LTBP1: variants seen among roughly 807,000 people sequenced by gnomAD.
LTBP1 encodes latent transforming growth factor beta binding protein 1.
Under a neutral mutation model 207.6 loss-of-function variants are expected in LTBP1, and 129 were observed. That is an observed-to-expected ratio of 0.62 (90% confidence interval 0.54 to 0.72). The LOEUF (loss-of-function observed/expected upper bound fraction) is 0.72. LTBP1 is among the 30% of genes least tolerant of loss of function. LTBP1 has a pLI of 0.00. For synonymous variants in LTBP1, 963 were observed against 833.7 expected (o/e 1.16, Z -2.67); for missense variants, 2,281 against 2,217.2 (o/e 1.03, Z -0.58).
chr2:32,995,094 G>A (rs1168719098), intron 2 of LTBP1, among the ~76,000 whole-genome samples: 1 of 151,972 alleles, frequency 6.6e-6, no homozygotes, highest in Non-Finnish European at 1.5e-5. Flanking sequence ...TAAGGTAAGA[G>A]GATCACTTGA....
At chr2:33,127,152 C>T (rs995137379) in intron 4 of LTBP1, among the ~76,000 whole-genome samples, 5 of 152,206 alleles carry the variant, frequency 3.3e-5, no homozygotes, top group Non-Finnish European at 5.9e-5. Context: ...TACTTCTGGC[C>T]TGGCAGCTCC....
At chr2:33,340,543 C>T (rs771804549) in intron 24 of LTBP1, among the ~76,000 whole-genome samples, 3 of 152,030 alleles carry the variant, frequency 2.0e-5, no homozygotes, top group Non-Finnish European at 4.4e-5. Flanking sequence ...CAGCCAGACT[C>T]GGAGGTCAGG....
chr2:32,955,301 A>G (rs1392783025), intron 2 of LTBP1, among the ~76,000 whole-genome samples: 2 of 152,258 alleles, frequency 1.3e-5, no homozygotes, highest in Non-Finnish European at 2.9e-5. Flanking sequence ...ACAGTCAAAG[A>G]TTGCTGCACA....
intron 2 of LTBP1, among the ~76,000 whole-genome samples, chr2:32,963,498 A>G (rs1357247077): frequency 2.6e-5 from 4 of 152,124 alleles, no homozygotes; most frequent in Admixed American, 6.6e-5. Context: ...GGTGTGAGCC[A>G]CTGCACCTGA....
At position 33,379,328 on chromosome 2, in the gene LTBP1, G is replaced by T. The variant is rs186980115; in HGVS notation, c.4712-9856G>T. On this transcript the variant is annotated intron_variant, in intron 31 of 33. Coordinates refer to ENST00000404816, the MANE Select transcript of LTBP1 (RefSeq NM_206943.4). ...AGGTTCAAGCAATTCTCCTGCCTCA[G>T]CCTCCTGAGGAGCTGGGACTACAGG... 2.6e-3 allele frequency among the ~76,000 whole-genome samples: 395 copies of T among 150,910 alleles called. 2 individuals are homozygous for T. Among genetic ancestry groups the T allele is most frequent in the African/African-American group, 9.3e-3 (380 of 41,072 alleles).
chr2:33,276,074 C>G, intron 18 of LTBP1, 151 bp downstream of exon 18: 2 of 910,842 alleles, frequency 2.2e-6, no homozygotes, highest in Non-Finnish European at 3.0e-6. Flanking sequence ...CTCTTTGCCT[C>G]TTCCTTTCAC....
chr2:33,258,875 C>T (rs1016394902), intron 12 of LTBP1, among the ~76,000 whole-genome samples: 5 of 152,046 alleles, frequency 3.3e-5, no homozygotes, highest in Admixed American at 3.3e-4. Context: ...AATGTTGATC[C>T]AGGGCTTTAG....
rs184358084 is a variant in LTBP1 at position 33,305,324 on chromosome 2, A to G, written c.3481+3680A>G. Among the ~76,000 whole-genome samples, 827 of 150,492 alleles carry G rather than the reference A, an allele frequency of 5.5e-3. 6 individuals carry two copies. Among genetic ancestry groups the G allele is most frequent in the African/African-American group, 0.02 (804 of 40,162 alleles). On this transcript the variant is annotated intron_variant, in intron 22 of 33. Transcript: ENST00000404816. ...GGGCAACAGAGCAAGACTATGTCTC[A>G]AAATATATATATATGATAAATAAGT...
intron 8 of LTBP1, 52 bp downstream of exon 8, chr2:33,217,706 T>C: frequency 8.1e-7 from 1 of 1,240,344 alleles, no homozygotes; most frequent in Non-Finnish European, 1.2e-6. Flanking sequence ...TATCTGTTTT[T>C]TATGATTACT....
chr2:33,281,022 G>A (rs1238129601), intron 19 of LTBP1, among the ~76,000 whole-genome samples: 1 of 152,164 alleles, frequency 6.6e-6, no homozygotes, highest in Non-Finnish European at 1.5e-5. Flanking sequence ...AGTGAGCTAT[G>A]ATTGTGCCAC....
intron 4 of LTBP1, among the ~76,000 whole-genome samples, chr2:33,125,309 G>A (rs1167626091): frequency 6.6e-6 from 1 of 152,150 alleles, no homozygotes; most frequent in African/African-American, 2.4e-5. Context: ...TGGCAGAATG[G>A]ATATGACTGC....
At chr2:33,045,328 G>A (rs6759710) in intron 3 of LTBP1, among the ~76,000 whole-genome samples, 14,373 of 152,080 alleles carry the variant, frequency 0.095, 904 homozygotes, top group Non-Finnish European at 0.14. Context: ...CGTTTTCTGC[G>A]TATGGCTAGC....
chr2:32,991,848 C>T (rs1684469343), intron 2 of LTBP1, among the ~76,000 whole-genome samples: 1 of 152,196 alleles, frequency 6.6e-6, no homozygotes, highest in Non-Finnish European at 1.5e-5. Context: ...AACTCACTCC[C>T]TCATGACCAA....
chr2:33,189,928 G>A (rs577665259), intron 7 of LTBP1, among the ~76,000 whole-genome samples: 73 of 152,236 alleles, frequency 4.8e-4, no homozygotes, highest in African/African-American at 1.5e-3. Context: ...TTGGGAGGCT[G>A]AGGCAGGAGA....
intron 2 of LTBP1, among the ~76,000 whole-genome samples, chr2:32,962,848 C>G (rs537305244): frequency 2.6e-5 from 4 of 152,242 alleles, no homozygotes; most frequent in African/African-American, 2.4e-5. Flanking sequence ...CTCTCCAGCC[C>G]TGTTAAACCA....
chr2:33,263,322 G>A lies in LTBP1; in HGVS notation c.2547G>A (p.Val849=). The change falls in exon 15 of 34, where the codon GTG becomes GTA. Residue 849 remains valine (V), a synonymous_variant. Transcript: ENST00000404816. ...PVVIEKTSPP[V]PVEVAPEAST... is the part of the protein sequence containing the mutation. Reference sequence around the variant, plus strand: ...TGATTGAAAAAACATCACCTCCTGTGCCTGTTGAAGTAGCTCCTGAAGCTT... The same window carrying A: ...TGATTGAAAAAACATCACCTCCTGTACCTGTTGAAGTAGCTCCTGAAGCTT... 1 of 1,613,674 alleles carries A rather than the reference G, an allele frequency of 6.2e-7. No individual in the cohort carries two copies. Among genetic ancestry groups the A allele is most frequent in the South Asian group, 1.1e-5 (1 of 91,068 alleles).
rs536346030 is a variant in LTBP1 at position 33,007,104 on chromosome 2, G to A, written c.566-13805G>A. 6.6e-5 allele frequency among the ~76,000 whole-genome samples: 10 copies of A among 152,194 alleles called. 1 individual carries two copies. The South Asian group carries it at 1.2e-3, about 19-fold the overall frequency. ...TTTTGAGACGGAGTCTCACTCTGTC[G>A]CCCAGGCTGGAGGGCAGTGGCACGA... On this transcript the variant is annotated intron_variant, in intron 2 of 33. Transcript: ENST00000404816.
At chr2:33,360,910 T>A in intron 27 of LTBP1, 131 bp downstream of exon 27, 1 of 682,964 alleles carries the variant, frequency 1.5e-6, no homozygotes, top group South Asian at 2.0e-5. Flanking sequence ...CATTCAGGGC[T>A]AGAGCCAGCA....
intron 26 of LTBP1, among the ~76,000 whole-genome samples, chr2:33,352,725 G>A (rs7557776): frequency 0.051 from 7,706 of 152,156 alleles, 239 homozygotes; most frequent in South Asian, 0.063. Flanking sequence ...GGTTTAAATC[G>A]TTCAGTCTTT....
Sources: gnomAD v4.1 joint callset for allele counts (sites outside exome capture counted in the v4.1 genomes callset) on GRCh38, gnomAD v4.1.1 for gene constraint, MANE v1.5 for transcripts, NCBI Gene and HGNC (gene_info 2026-07-23, HGNC 2026-07-21) for gene names.